Variants in SPATA6L observed in about 807,000 individuals in gnomAD.
The protein encoded by SPATA6L is spermatogenesis associated 6 like, also known as spermatogenesis associated 6-like protein.
A neutral mutation model predicts 49.2 loss-of-function variants in SPATA6L; 68 were observed. The observed-to-expected ratio is 1.38, with a 90% CI of 1.14 to 1.69. The LOEUF (loss-of-function observed/expected upper bound fraction) is 1.69. Ranked by LOEUF, SPATA6L falls within the 40% of genes most tolerant of loss-of-function variation. SPATA6L has a pLI of 0.00. For synonymous variants in SPATA6L, 198 were observed against 165.7 expected (o/e 1.19, Z -1.50); for missense variants, 668 against 464.3 (o/e 1.44, Z -4.03).
intron 7 of SPATA6L, among the ~76,000 whole-genome samples, chr9:4,621,347 A>G (rs892769131): frequency 3.9e-5 from 6 of 152,226 alleles, no homozygotes; most frequent in Non-Finnish European, 7.3e-5. Context: ...GAGATCTGCA[A>G]CGTCAAACTG....
intron 13 of SPATA6L, among the ~76,000 whole-genome samples, chr9:4,590,654 C>G (rs1478042864): frequency 6.6e-6 from 1 of 152,144 alleles, no homozygotes; most frequent in Non-Finnish European, 1.5e-5. Context: ...TTCTAGAAGG[C>G]CCCAGCAGCC....
intron 13 of SPATA6L, among the ~76,000 whole-genome samples, chr9:4,591,558 T>A (rs1376864209): frequency 1.3e-5 from 2 of 152,204 alleles, no homozygotes; most frequent in African/African-American, 4.8e-5. Context: ...CCTGCTTCTG[T>A]CTTCCCAGCA....
intron 5 of SPATA6L, chr9:4,625,995 T>C (rs384535): frequency 0.11 from 17,857 of 156,652 alleles, 1,255 homozygotes; most frequent in Middle Eastern, 0.2. Context: ...TATTGGTGAG[T>C]AAGCAATTGC....
chr9:4,629,796 T>C (rs922280092), intron 4 of SPATA6L, among the ~76,000 whole-genome samples: 1 of 146,456 alleles, frequency 6.8e-6, no homozygotes, highest in Non-Finnish European at 1.5e-5. Flanking sequence ...TATATATATA[T>C]ATGCCCTATC....
intron 4 of SPATA6L, among the ~76,000 whole-genome samples, chr9:4,631,323 T>C (rs1348846622): frequency 1.3e-5 from 2 of 152,098 alleles, no homozygotes; most frequent in African/African-American, 2.4e-5. Context: ...TTTAAATGCT[T>C]TTTATGCTCA....
intron 11 of SPATA6L, 61 bp downstream of exon 11, chr9:4,604,118 T>C (rs1185767230): frequency 6.0e-6 from 7 of 1,160,052 alleles, no homozygotes; most frequent in African/African-American, 1.6e-5. Context: ...GAAACTGAAA[T>C]TCTTTTAGCA....
Position 4,650,672 on chromosome 9 carries a change from G to C in SPATA6L, c.226+5369C>G, listed in dbSNP as rs948572853. On this transcript the variant is annotated intron_variant, in intron 3 of 11. Transcript: ENST00000682582. ...TACAGAAATAATTTTTTGTTTGTTTGTTTTTGAGACGGAGTCTTGCTCTGT... is the reference window on the plus strand; with the variant it reads ...TACAGAAATAATTTTTTGTTTGTTTCTTTTTGAGACGGAGTCTTGCTCTGT... 3.3e-5 allele frequency among the ~76,000 whole-genome samples: 5 copies of C among 152,086 alleles called. 1 individual carries two copies. Among genetic ancestry groups the C allele is most frequent in the Non-Finnish European group, 7.4e-5 (5 of 68,012 alleles).
At position 4,605,394 on chromosome 9, in the gene SPATA6L, C is replaced by A; in HGVS notation, c.1042G>T (p.Val348Leu). ...QSTWKNIHER[V>L]CSLLTSHRAQ... is the part of the protein sequence containing the mutation. ...CTGTGGGATGTCAGAAGACTGCATA[C>A]CCTCTCATGGATATTCTTCCATGTG... The change falls in exon 10 of 12, where the codon GTA (valine) becomes TTA (leucine). Residue 348 changes from valine to leucine, a missense_variant. By Grantham distance (32) the Val-to-Leu change is conservative. Coordinates refer to ENST00000682582, the MANE Select transcript of SPATA6L (RefSeq NM_001353486.2). 1.2e-6 allele frequency: 2 copies of A among 1,614,104 alleles called. No homozygotes were observed. The highest frequency in any genetic ancestry group is 4.5e-5 in the East Asian group (2 of 44,880).
chr9:4,602,527 C>G (rs746988048), intron 11 of SPATA6L, among the ~76,000 whole-genome samples: 7 of 152,148 alleles, frequency 4.6e-5, no homozygotes, highest in Admixed American at 6.5e-5. Flanking sequence ...CTTTCAGGAG[C>G]CTGACTACAG....
chr9:4,626,514 GT>G, intron 5 of SPATA6L: 1 of 1,304,292 alleles, frequency 7.7e-7, no homozygotes, highest in East Asian at 5.5e-5. Context: ...TTAAGCTTCT[GT>G]GTTCTTGCTG....
At chr9:4,590,268 T>C (rs577532487) in intron 13 of SPATA6L, among the ~76,000 whole-genome samples, 3 of 152,154 alleles carry the variant, frequency 2.0e-5, no homozygotes, top group Non-Finnish European at 2.9e-5. Context: ...TGAGTGTACC[T>C]AAGTGTATAA....
rs558156175 is a variant in SPATA6L, at chr9:4,623,364, T to C, written c.670-854A>G. The stretch of plus-strand genomic sequence containing the variant: ...TCTTTGGTGACTGACCATATTCTCC[T>C]AAGGAAAAATTGGGTAACATGATCT... On this transcript the variant is annotated intron_variant, in intron 6 of 11. Transcript: ENST00000682582. Among the ~76,000 whole-genome samples the C allele has an allele frequency of 2.0e-4, 30 of 152,234 alleles. 1 individual carries two copies. Among genetic ancestry groups the C allele is most frequent in the Admixed American group, 7.8e-4 (12 of 15,290 alleles).
At chr9:4,657,688 T>C (rs428111) in intron 2 of SPATA6L, among the ~76,000 whole-genome samples, 92,551 of 151,980 alleles carry the variant, frequency 0.61, 29,568 homozygotes, top group African/African-American at 0.81. Flanking sequence ...CTTTTACAGG[T>C]TGACATGAAA....
At chr9:4,596,971 G>C (rs1822311195), downstream of SPATA6L, among the ~76,000 whole-genome samples, 1 of 152,152 alleles carries the variant, frequency 6.6e-6, no homozygotes, top group East Asian at 1.9e-4. Flanking sequence ...AATAGCTAAT[G>C]CTCACTGAGT....
rs969137249 is a variant in SPATA6L, at chr9:4,617,947, A to G, written c.971T>C (p.Leu324Ser). ...CCTTTCTCTGAGAAGGGGCTGATCCAAGGGGCCAGGAGAGGTGGAATGCTG... is the reference window on the plus strand; with the variant it reads ...CCTTTCTCTGAGAAGGGGCTGATCCGAGGGGCCAGGAGAGGTGGAATGCTG... ...TYQHSTSPGP[L>S]DQPLLRERFH... Residue 324 changes from leucine (L) to serine (S), a missense_variant, in exon 9 of 12, where the codon TTG (leucine) becomes TCG (serine). Transcript: ENST00000682582. 5.0e-6 allele frequency: 8 copies of G among 1,613,074 alleles called. No individual in the cohort carries two copies. Among genetic ancestry groups the G allele is most frequent in the Non-Finnish European group, 6.8e-6 (8 of 1,179,550 alleles).
chr9:4,597,931 C>T (rs969716564), downstream of SPATA6L, among the ~76,000 whole-genome samples: 6 of 152,210 alleles, frequency 3.9e-5, no homozygotes, highest in East Asian at 3.8e-4. Flanking sequence ...GGAGTACTGG[C>T]TATACTGAGA....
intron 9 of SPATA6L, among the ~76,000 whole-genome samples, chr9:4,613,386 G>A (rs946367082): frequency 4.0e-5 from 6 of 151,828 alleles, no homozygotes; most frequent in African/African-American, 7.3e-5. Flanking sequence ...GGCTGGTTCC[G>A]GCCCACATCC....
In SPATA6L at chr9:4,605,200, A is replaced by G. The variant is rs1354078541; in HGVS notation, c.1089+147T>C. 11 of 653,472 alleles carry G rather than the reference A, an allele frequency of 1.7e-5. No homozygotes were observed. In the Admixed American group the frequency reaches 2.8e-4, roughly 16 times the overall value. The allele number at this position is 653,472 out of a possible 1,614,324, so 40.5% of individuals were successfully genotyped here. ...ATACCCGCTACCATTCAATCTCAGG[A>G]CAACAGGTAATCTCCTTGGTAAGCC... On this transcript the variant is annotated intron_variant, in intron 10 of 11. Coordinates refer to ENST00000682582, the MANE Select transcript of SPATA6L (RefSeq NM_001353486.2).
intron 3 of SPATA6L, among the ~76,000 whole-genome samples, chr9:4,637,206 C>T (rs1001400527): frequency 6.6e-6 from 1 of 152,164 alleles, no homozygotes; most frequent in Non-Finnish European, 1.5e-5. Flanking sequence ...ACACGCCAAG[C>T]TCTCCTCCAC....
Sources: allele counts gnomAD v4.1 joint callset (sites outside exome capture counted in the v4.1 genomes callset), GRCh38; gene constraint gnomAD v4.1.1; transcripts MANE v1.5; gene names NCBI Gene and HGNC (gene_info 2026-07-23, HGNC 2026-07-21).